The following USPL1 variants were observed in gnomAD, a reference collection of about 807,000 sequenced individuals.
USPL1 encodes the protein SUMO-specific isopeptidase USPL1.
In USPL1, 27 loss-of-function variants were observed where a neutral mutation model predicts 51.5. That is an observed-to-expected ratio of 0.52 (90% CI 0.39 to 0.72). USPL1 has a LOEUF of 0.72. USPL1 is among the 30% of genes least tolerant of loss of function. The pLI, the probability that USPL1 is intolerant of heterozygous loss-of-function variation, is 0.00. For missense variants in USPL1, 1,226 were observed against 1,268.0 expected, an observed-to-expected ratio of 0.97 and a Z score of 0.50; for synonymous variants, 451 against 459.6, an observed-to-expected ratio of 0.98 and a Z score of 0.24.
At chr13:30,642,210 C>T (rs953737652) in intron 5 of USPL1, among the ~76,000 whole-genome samples, 72 of 152,186 alleles carry the variant, frequency 4.7e-4, no homozygotes, top group African/African-American at 1.5e-3. Flanking sequence ...GTCTTCCTGC[C>T]TTGGCCTCCC....
intron 8 of USPL1, 88 bp downstream of exon 8, chr13:30,653,393 A>G: frequency 1.5e-6 from 2 of 1,346,332 alleles, no homozygotes; most frequent in Non-Finnish European, 2.0e-6. Context: ...GTTTTATAAA[A>G]AAAGACAAAC....
chr13:30,625,015 T>A (rs1371392461), intron 3 of USPL1, among the ~76,000 whole-genome samples: 6 of 152,242 alleles, frequency 3.9e-5, no homozygotes, highest in African/African-American at 1.4e-4. Context: ...TATTCCTGAA[T>A]AAATGTCACT....
intron 4 of USPL1, among the ~76,000 whole-genome samples, chr13:30,633,096 G>T (rs1593370101): frequency 6.6e-6 from 1 of 152,128 alleles, no homozygotes; most frequent in African/African-American, 2.4e-5. Context: ...GTATACAGTA[G>T]TCTCCCCTTA....
rs1951218519 is a variant in USPL1, at chr13:30,659,131, A to G, written c.3054A>G (p.Thr1018=). Residue 1018 remains threonine, a synonymous_variant, in exon 9 of 9, where the codon ACA becomes ACG. Coordinates refer to ENST00000255304, the MANE Select transcript of USPL1 (RefSeq NM_005800.5). ...AATTCAATGATGTTTCCCAGAACAC[A>G]CATCTGAGACAGGACCATAATTATT... ...PSEFNDVSQN[T]HLRQDHNYCS... is the part of the protein sequence containing the mutation. 6.2e-7 allele frequency: 1 copy of G among 1,614,132 alleles called. No homozygotes were observed. The highest frequency in any genetic ancestry group is 1.3e-5 in the African/African-American group (1 of 74,944).
chr13:30,629,963 CTAT>C (rs142884305), intron 3 of USPL1, among the ~76,000 whole-genome samples: 99 of 151,108 alleles, frequency 6.6e-4, no homozygotes, highest in Middle Eastern at 3.5e-3. Context: ...CATTAATTAA[CTAT>C]TATTATTATT....
In USPL1 at chr13:30,631,213, A is replaced by G; in HGVS notation, c.607A>G (p.Asn203Asp). 1 of 1,614,160 alleles carries G rather than the reference A, an allele frequency of 6.2e-7. No individual in the cohort carries two copies. Among genetic ancestry groups the G allele is most frequent in the Non-Finnish European group, 8.5e-7 (1 of 1,180,018 alleles). Reference sequence around the variant, plus strand: ...TGGAACTGGCAGACCTTCCCCTCAAAATGAAGGATGTACATCTAAACTGGA... The same window carrying G: ...TGGAACTGGCAGACCTTCCCCTCAAGATGAAGGATGTACATCTAAACTGGA... ...VSGTGRPSPQ[N>D]EGCTSKLEMP... The change falls in exon 4 of 9, where the codon AAT becomes GAT. Residue 203 changes from asparagine to aspartate, a missense_variant. Asn to Asp is a conservative substitution (Grantham distance 23). Coordinates refer to ENST00000255304, the MANE Select transcript of USPL1 (RefSeq NM_005800.5).
intron 4 of USPL1, among the ~76,000 whole-genome samples, chr13:30,634,594 C>T (rs1034963938): frequency 3.3e-5 from 5 of 152,044 alleles, no homozygotes; most frequent in Admixed American, 1.3e-4. Context: ...GTAAATATAA[C>T]AGAATATTCA....
In USPL1 at chr13:30,648,855, G is replaced by A. The variant is rs537042167; in HGVS notation, c.1238+1798G>A. On this transcript the variant is annotated intron_variant, in intron 7 of 8. Transcript: ENST00000255304. ...GTGTCAGTTTTGAGATGTAAATGTT[G>A]ATGATGAGGTGAGGAGAAGAGCAGC... is the stretch of plus-strand genomic sequence containing the variant. Among the ~76,000 whole-genome samples the A allele has an allele frequency of 2.1e-4, 32 of 152,248 alleles. 1 individual carries two copies. The South Asian group carries it at 6.6e-3, about 32-fold the overall frequency.
chr13:30,647,015 A>G lies in USPL1; in HGVS notation c.1196A>G (p.Asn399Ser). The change falls in exon 7 of 9, where the codon AAT (asparagine) becomes AGT (serine). Residue 399 changes from asparagine (N) to serine (S), a missense_variant. Asn to Ser is a conservative substitution (Grantham distance 46). Transcript: ENST00000255304. ...GCTGCCCATTTTGGTCCATGTAACA[A>G]TTGCAACAGTAAATCACAAATAAGA... ...LNAAHFGPCN[N>S]CNSKSQIRKM... 1.2e-6 allele frequency: 2 copies of G among 1,613,458 alleles called. No individual in the cohort carries two copies. The highest frequency in any genetic ancestry group is 1.6e-4 in the Middle Eastern group (1 of 6,062).
intron 3 of USPL1, among the ~76,000 whole-genome samples, chr13:30,624,172 T>G (rs1257844316): frequency 6.6e-6 from 1 of 152,158 alleles, no homozygotes; most frequent in Admixed American, 6.5e-5. Flanking sequence ...TGGAATTGGA[T>G]TATAGGATAC....
chr13:30,646,723 C>T (rs1951022186), intron 6 of USPL1, among the ~76,000 whole-genome samples: 1 of 152,146 alleles, frequency 6.6e-6, no homozygotes, highest in African/African-American at 2.4e-5. Context: ...CTTGCTTCAT[C>T]TCATAGTTGA....
intron 8 of USPL1, among the ~76,000 whole-genome samples, chr13:30,656,169 A>T (rs1413634982): frequency 6.6e-6 from 1 of 152,180 alleles, no homozygotes; most frequent in Non-Finnish European, 1.5e-5. Context: ...GCACCTAGCC[A>T]CCTTCCTTTA....
At chr13:30,646,825 TAAG>T (rs1430455394) in intron 6 of USPL1, 104 bp from the exon 7 acceptor site, 26 of 1,247,138 alleles carry the variant, frequency 2.1e-5, no homozygotes, top group Middle Eastern at 2.6e-4. Flanking sequence ...TTTGGGGAAA[TAAG>T]AAAGTATGAA....
intron 4 of USPL1, among the ~76,000 whole-genome samples, chr13:30,631,717 C>G (rs554060722): frequency 6.6e-6 from 1 of 152,192 alleles, no homozygotes; most frequent in African/African-American, 2.4e-5. Flanking sequence ...ACTCGATTTC[C>G]TGGGTGCAAG....
chr13:30,647,351 G>C (rs1305947667), intron 7 of USPL1, among the ~76,000 whole-genome samples: 1 of 151,894 alleles, frequency 6.6e-6, no homozygotes, highest in African/African-American at 2.4e-5. Flanking sequence ...TCTCTCCTCT[G>C]CCAAGTGTAT....
At chr13:30,653,077 C>T (rs1951112055) in intron 7 of USPL1, 71 bp from the exon 8 acceptor site, 1 of 1,447,452 alleles carries the variant, frequency 6.9e-7, no homozygotes, top group Non-Finnish European at 9.3e-7. Context: ...TAGTTCACTT[C>T]AGACATCTTT....
chr13:30,635,678 G>A (rs1950866597), intron 4 of USPL1, among the ~76,000 whole-genome samples: 1 of 152,102 alleles, frequency 6.6e-6, no homozygotes, highest in South Asian at 2.1e-4. Context: ...TGACATTGTA[G>A]ATATTTTCTT....
At chr13:30,629,355 C>T (rs1023029226) in intron 3 of USPL1, among the ~76,000 whole-genome samples, 1 of 152,070 alleles carries the variant, frequency 6.6e-6, no homozygotes, top group African/African-American at 2.4e-5. Context: ...AATACCGTGG[C>T]AGGCGCCTTT....
At chr13:30,638,046 A>G (rs897131931) in intron 5 of USPL1, among the ~76,000 whole-genome samples, 189 bp downstream of exon 5, 2 of 152,210 alleles carry the variant, frequency 1.3e-5, no homozygotes, top group Non-Finnish European at 2.9e-5. Context: ...CCATATAAAT[A>G]TGTAGGCTGG....
Sources: allele counts gnomAD v4.1 joint callset (sites outside exome capture counted in the v4.1 genomes callset), GRCh38; gene constraint gnomAD v4.1.1; transcripts MANE v1.5; gene names NCBI Gene and HGNC (gene_info 2026-07-23, HGNC 2026-07-21).